Variants in TMTC2 observed in about 807,000 individuals in gnomAD.
The protein encoded by TMTC2 is transmembrane O-mannosyltransferase targeting cadherins 2, also known as protein O-mannosyl-transferase TMTC2.
In TMTC2, 43 loss-of-function variants were observed where a neutral mutation model predicts 82.4. That is an observed-to-expected ratio of 0.52 (90% CI 0.41 to 0.67). TMTC2 has a LOEUF of 0.67. Ranked by LOEUF, TMTC2 falls within the 30% of genes least tolerant of loss-of-function variation. TMTC2 has a pLI of 0.00. For missense variants in TMTC2, 919 were observed against 1,012.4 expected, an observed-to-expected ratio of 0.91 and a Z score of 1.25; for synonymous variants, 408 against 381.9, an observed-to-expected ratio of 1.07 and a Z score of -0.80.
intron 1 of TMTC2, among the ~76,000 whole-genome samples, chr12:82,827,024 C>T (rs1262613796): frequency 2.0e-5 from 3 of 152,060 alleles, no homozygotes; most frequent in Non-Finnish European, 4.4e-5. Flanking sequence ...AAATGATTTG[C>T]ACCAAGTATT....
At chr12:82,897,734 C>T (rs1181514656) in intron 3 of TMTC2, among the ~76,000 whole-genome samples, 3 of 152,072 alleles carry the variant, frequency 2.0e-5, no homozygotes, top group Admixed American at 2.0e-4. Context: ...CCACGTTAGC[C>T]AGGCCGGTCT....
intron 8 of TMTC2, among the ~76,000 whole-genome samples, chr12:83,009,378 C>A (rs1276427045): frequency 6.6e-6 from 1 of 152,138 alleles, no homozygotes; most frequent in East Asian, 1.9e-4. Flanking sequence ...ATAGTCTACC[C>A]TCAGCCTCCA....
chr12:83,061,808 C>G lies in TMTC2; in HGVS notation c.2308C>G (p.Leu770Val), dbSNP rs753400442. The change falls in exon 11 of 12, where the codon CTG (leucine) becomes GTG (valine). Residue 770 changes from leucine (L) to valine (V), a missense_variant. Physicochemically the swap from Leu to Val is conservative, Grantham distance 32. Transcript: ENST00000321196. ...TGAAGCAGCTGAGAAGTATTATGAT[C>G]TGGCAGCCAGGCTGAGGCCTAATGT... ...LNEAAEKYYD[L>V]AARLRPNYPA... The G allele has an allele frequency of 1.9e-6, 3 of 1,596,332 alleles. No individual in the cohort carries two copies. The highest frequency in any genetic ancestry group is 2.6e-6 in the Non-Finnish European group (3 of 1,171,842).
At chr12:82,808,062 A>T (rs1293638648) in intron 1 of TMTC2, among the ~76,000 whole-genome samples, 2 of 151,882 alleles carry the variant, frequency 1.3e-5, no homozygotes, top group East Asian at 3.9e-4. Flanking sequence ...TTTTTAAAAA[A>T]CTGAATCTTA....
chr12:83,038,928 T>A (rs922782935), intron 9 of TMTC2, among the ~76,000 whole-genome samples: 1 of 51,590 alleles, frequency 1.9e-5, no homozygotes, highest in African/African-American at 1.2e-4. Context: ...AGCACCTTGG[T>A]TTTTTTTTTT....
At chr12:83,118,996 G>A (rs188028473) in intron 11 of TMTC2, among the ~76,000 whole-genome samples, 2 of 152,030 alleles carry the variant, frequency 1.3e-5, no homozygotes, top group Non-Finnish European at 2.9e-5. Flanking sequence ...AGTGTCAGTT[G>A]TAATATCTTC....
intron 1 of TMTC2, among the ~76,000 whole-genome samples, chr12:82,739,441 A>G (rs192328968): frequency 5.9e-5 from 9 of 152,176 alleles, no homozygotes; most frequent in Admixed American, 5.9e-4. Context: ...TGAAATGCCA[A>G]TATGATGGCT....
chr12:83,050,729 C>T (rs1025542211), intron 9 of TMTC2, among the ~76,000 whole-genome samples, 175 bp from the exon 10 acceptor site: 6 of 151,902 alleles, frequency 3.9e-5, no homozygotes, highest in Non-Finnish European at 2.9e-5. Flanking sequence ...AAATAGAAAC[C>T]TTGAAATGTT....
Position 83,033,652 on chromosome 12 carries a change from G to A in TMTC2, c.2152+2773G>A, listed in dbSNP as rs182221077. On this transcript the variant is annotated intron_variant, in intron 9 of 11. Transcript: ENST00000321196. The stretch of plus-strand genomic sequence containing the variant: ...TGTAATCCCAGCTACTCAGGAGGCT[G>A]AGGCAGGAGAATCACTTGAACCCGG... 8.6e-3 allele frequency among the ~76,000 whole-genome samples: 1,307 copies of A among 152,070 alleles called. 15 individuals carry two copies. The highest frequency in any genetic ancestry group is 0.03 in the African/African-American group (1,253 of 41,468).
intron 3 of TMTC2, among the ~76,000 whole-genome samples, chr12:82,916,221 C>T (rs897781209): frequency 6.6e-6 from 1 of 152,168 alleles, no homozygotes; most frequent in Non-Finnish European, 1.5e-5. Flanking sequence ...CCATTAACTA[C>T]TTTTGACAGT....
At chr12:82,865,342 A>C (rs138863914) in intron 2 of TMTC2, among the ~76,000 whole-genome samples, 63 of 152,338 alleles carry the variant, frequency 4.1e-4, no homozygotes, top group Middle Eastern at 3.4e-3. Context: ...GAAAACAAAA[A>C]ATGACAGGGG....
At chr12:83,064,508 G>A (rs942213323) in intron 11 of TMTC2, among the ~76,000 whole-genome samples, 8 of 151,890 alleles carry the variant, frequency 5.3e-5, no homozygotes, top group African/African-American at 9.7e-5. Flanking sequence ...TACCATTGAT[G>A]GATCAACAGA....
intron 3 of TMTC2, among the ~76,000 whole-genome samples, chr12:82,902,507 C>G (rs916069123): frequency 6.6e-6 from 1 of 152,128 alleles, no homozygotes; most frequent in African/African-American, 2.4e-5. Context: ...GTCTGTTTAG[C>G]TTTTTCTTTT....
In TMTC2 at chr12:82,782,068, A is replaced by G. The variant is rs547641576; in HGVS notation, c.84-74942A>G. ...ACTTCTATTTATTTAGAAATATGTA[A>G]CAGTCACACCATTAACATAAATAAA... On this transcript the variant is annotated intron_variant, in intron 1 of 11. Coordinates refer to ENST00000321196, the MANE Select transcript of TMTC2 (RefSeq NM_152588.3). Among the ~76,000 whole-genome samples the G allele has an allele frequency of 2.8e-4, 43 of 152,218 alleles. No individual in the cohort carries two copies. The South Asian group carries it at 8.3e-3, about 29-fold the overall frequency.
intron 1 of TMTC2, among the ~76,000 whole-genome samples, chr12:82,778,455 C>T (rs1386120834): frequency 6.6e-6 from 1 of 152,142 alleles, no homozygotes; most frequent in Non-Finnish European, 1.5e-5. Flanking sequence ...GTGGCTCATG[C>T]CTGTAATCCC....
At chr12:82,705,193 G>C (rs900681160) in intron 1 of TMTC2, among the ~76,000 whole-genome samples, 2 of 152,184 alleles carry the variant, frequency 1.3e-5, no homozygotes, top group African/African-American at 4.8e-5. Context: ...CAAGGGGAGA[G>C]GGTGGGTAGA....
At chr12:82,996,288 T>G (rs1189761674) in intron 8 of TMTC2, among the ~76,000 whole-genome samples, 1 of 152,168 alleles carries the variant, frequency 6.6e-6, no homozygotes, top group Non-Finnish European at 1.5e-5. Flanking sequence ...TACTCCACAC[T>G]GAAAGGGGTG....
Position 82,903,472 on chromosome 12 carries a change from C to T in TMTC2, c.1483+6826C>T, listed in dbSNP as rs563005086. ...TGTCGCCCAGGCTGGAGTGCAGTGG[C>T]GCGATCTCGCCTCACTGCAAGCGCC... is the stretch of plus-strand genomic sequence containing the variant. On this transcript the variant is annotated intron_variant, in intron 3 of 11. Coordinates refer to ENST00000321196, the MANE Select transcript of TMTC2 (RefSeq NM_152588.3). Among the ~76,000 whole-genome samples, 64 of 152,258 alleles carry T rather than the reference C, an allele frequency of 4.2e-4. 1 individual carries two copies. In the South Asian group the frequency reaches 4.8e-3, roughly 11 times the overall value.
chr12:83,104,418 C>G (rs989354921), intron 11 of TMTC2, among the ~76,000 whole-genome samples: 2 of 152,230 alleles, frequency 1.3e-5, no homozygotes, highest in African/African-American at 4.8e-5. Context: ...CTTTCTCATA[C>G]ATCCACTGAA....
Sources: allele counts gnomAD v4.1 joint callset (sites outside exome capture counted in the v4.1 genomes callset), GRCh38; gene constraint gnomAD v4.1.1; transcripts MANE v1.5; gene names NCBI Gene and HGNC (gene_info 2026-07-23, HGNC 2026-07-21).